The following BICRAL variants were observed in gnomAD, a reference collection of about 807,000 sequenced individuals.
BICRAL encodes the protein BICRA like chromatin remodeling complex associated protein.
Under a neutral mutation model 91.8 loss-of-function variants are expected in BICRAL, and 8 were observed. The ratio of observed to expected loss-of-function variants is 0.09; its 90% CI spans 0.05 to 0.16. BICRAL has a LOEUF of 0.16. Among genes scored for constraint, BICRAL ranks in the 10% least tolerant of loss-of-function variants. The pLI is 1.00. For missense variants in BICRAL, 1,038 were observed against 1,310.9 expected (o/e 0.79, Z 3.21); for synonymous variants, 445 against 491.1 (o/e 0.91, Z 1.24).
Position 42,853,622 on chromosome 6 carries a change from G to A in BICRAL, c.1946-16G>A, listed in dbSNP as rs756141178. 6 of 1,577,000 alleles carry A rather than the reference G, an allele frequency of 3.8e-6. No individual in the cohort carries two copies. Among genetic ancestry groups the A allele is most frequent in the Non-Finnish European group, 5.2e-6 (6 of 1,146,180 alleles). Reference sequence around the variant, plus strand: ...CTGTTTCTTTTGAACACTGTCTCATGTATTAATTCTAATAGGGCAGGATTC... The same window carrying A: ...CTGTTTCTTTTGAACACTGTCTCATATATTAATTCTAATAGGGCAGGATTC... On this transcript the variant is annotated splice_polypyrimidine_tract_variant and intron_variant, in intron 7 of 12. Transcript: ENST00000314073.
At chr6:42,826,499 T>G (rs1013412783) in intron 5 of BICRAL, among the ~76,000 whole-genome samples, 8 of 151,858 alleles carry the variant, frequency 5.3e-5, no homozygotes, top group Non-Finnish European at 8.8e-5. Flanking sequence ...CCTCCCAAAG[T>G]GCTTGGATTA....
chr6:42,780,591 T>G (rs913365939), upstream of BICRAL, among the ~76,000 whole-genome samples: 2 of 152,186 alleles, frequency 1.3e-5, no homozygotes, highest in Non-Finnish European at 2.9e-5. Flanking sequence ...CTGAATTACA[T>G]TCTGTACAAT....
At chr6:42,818,023 G>T (rs1472244136) in intron 2 of BICRAL, among the ~76,000 whole-genome samples, 1 of 151,240 alleles carries the variant, frequency 6.6e-6, no homozygotes, top group Non-Finnish European at 1.5e-5. Flanking sequence ...CAAATACCTG[G>T]AAATGGATTT....
intron 5 of BICRAL, among the ~76,000 whole-genome samples, chr6:42,823,499 G>A (rs1279629766): frequency 6.6e-6 from 1 of 152,182 alleles, no homozygotes; most frequent in African/African-American, 2.4e-5. Context: ...ATTAAGACAA[G>A]CTATGTGGCC....
At chr6:42,858,899 G>A (rs1277385969) in intron 10 of BICRAL, among the ~76,000 whole-genome samples, 1 of 152,076 alleles carries the variant, frequency 6.6e-6, no homozygotes, top group East Asian at 1.9e-4. Context: ...CCTGATGCCT[G>A]GCCATGCTCT....
At chr6:42,856,889 T>A (rs559344917) in intron 9 of BICRAL, among the ~76,000 whole-genome samples, 92 of 152,234 alleles carry the variant, frequency 6.0e-4, no homozygotes, top group Non-Finnish European at 1.8e-4. Context: ...GAACCTGTGC[T>A]TTTGAGGTCA....
intron 1 of BICRAL, among the ~76,000 whole-genome samples, chr6:42,766,405 T>C (rs1407982703): frequency 6.6e-6 from 1 of 152,146 alleles, no homozygotes; most frequent in Non-Finnish European, 1.5e-5. Flanking sequence ...TACAATAAAG[T>C]CACCTGTGGA....
intron 1 of BICRAL, among the ~76,000 whole-genome samples, chr6:42,750,448 GC>G (rs1582795413): frequency 6.6e-6 from 1 of 151,980 alleles, no homozygotes; most frequent in East Asian, 1.9e-4. Flanking sequence ...ACAGGTGTGA[GC>G]CCCCACGCCT....
At position 42,828,673 on chromosome 6, in the gene BICRAL, A is replaced by G; in HGVS notation, c.340A>G (p.Asn114Asp). Residue 114 changes from asparagine (N) to aspartate (D), a missense_variant, in exon 6 of 13, where the codon AAT becomes GAT. Transcript: ENST00000314073. ...DILQKSLQEA[N>D]ITEQTLAEEA... ...TCTTCAGAAATCCTTGCAAGAGGCC[A>G]ATATCACTGAACAGACATTGGCAGA... 2.5e-6 allele frequency: 4 copies of G among 1,614,142 alleles called. No homozygotes were observed. The highest frequency in any genetic ancestry group is 3.4e-6 in the Non-Finnish European group (4 of 1,180,002).
In BICRAL at chr6:42,868,070, CT is replaced by C. The variant is rs58785533; in HGVS notation, c.*2641del. 13,918 of 123,964 alleles carry C rather than the reference CT, an allele frequency of 0.11. 902 individuals are homozygous for C. Among genetic ancestry groups the C allele is most frequent in the African/African-American group, 0.26 (8,932 of 34,698 alleles). The allele number at this position is 123,964 out of a possible 1,614,324, so 7.7% of individuals were successfully genotyped here. ...TGTACTCAGTAACAAAAATCATTTT[CT>C]TTTTTTTTTTTTTTTTCTGTTGTGG... On this transcript the variant is annotated 3_prime_UTR_variant, in exon 13 of 13. Coordinates refer to ENST00000314073, the MANE Select transcript of BICRAL (RefSeq NM_001393499.1).
Position 42,864,969 on chromosome 6 carries a change from G to A in BICRAL, c.2763G>A (p.Lys921=). 6.2e-7 allele frequency: 1 copy of A among 1,614,154 alleles called. No individual in the cohort carries two copies. Among genetic ancestry groups the A allele is most frequent in the Non-Finnish European group, 8.5e-7 (1 of 1,180,040 alleles). The change falls in exon 13 of 13, where the codon AAG becomes AAA. Residue 921 remains lysine (K), a synonymous_variant. Coordinates refer to ENST00000314073, the MANE Select transcript of BICRAL (RefSeq NM_001393499.1). The part of the protein sequence containing the change: ...LVQYQSTSEE[K]ASRREPLKAS... ...AGTACCAGAGCACGTCTGAAGAGAAGGCCAGCCGGAGAGAGCCTCTGAAGG... is the reference window on the plus strand; with the variant it reads ...AGTACCAGAGCACGTCTGAAGAGAAAGCCAGCCGGAGAGAGCCTCTGAAGG...
chr6:42,748,317 G>C (rs556475600), intron 1 of BICRAL, among the ~76,000 whole-genome samples: 16 of 152,118 alleles, frequency 1.1e-4, no homozygotes, highest in African/African-American at 3.6e-4. Flanking sequence ...AGTTTTTCAG[G>C]TTGAACCTGT....
At chr6:42,761,582 G>A (rs533970848) in intron 1 of BICRAL, among the ~76,000 whole-genome samples, 1 of 152,234 alleles carries the variant, frequency 6.6e-6, no homozygotes, top group South Asian at 2.1e-4. Context: ...TCTTTCATCT[G>A]TTGCATGAGA....
chr6:42,786,176 G>T (rs1406212484), intron 1 of BICRAL, among the ~76,000 whole-genome samples: 1 of 152,234 alleles, frequency 6.6e-6, no homozygotes, highest in Non-Finnish European at 1.5e-5. Context: ...GCTTTCTCTT[G>T]TTGATTCTTC....
chr6:42,779,634 G>T (rs1378818217), upstream of BICRAL, among the ~76,000 whole-genome samples: 1 of 152,188 alleles, frequency 6.6e-6, no homozygotes, highest in Non-Finnish European at 1.5e-5. Context: ...CATTATGAAT[G>T]ATAGAATGGC....
At chr6:42,792,861 C>T (rs1224199933) in intron 1 of BICRAL, among the ~76,000 whole-genome samples, 1 of 151,806 alleles carries the variant, frequency 6.6e-6, no homozygotes, top group African/African-American at 2.4e-5. Context: ...TGCAGTGAGC[C>T]AAAATCGTGC....
chr6:42,845,248 T>G (rs141429283), intron 6 of BICRAL, among the ~76,000 whole-genome samples: 1 of 105,398 alleles, frequency 9.5e-6, no homozygotes. Context: ...TTTTTTTTTT[T>G]AGACAGAGTT....
At chr6:42,824,658 A>T (rs906235256) in intron 5 of BICRAL, among the ~76,000 whole-genome samples, 1 of 152,234 alleles carries the variant, frequency 6.6e-6, no homozygotes, top group African/African-American at 2.4e-5. Context: ...GAAATGTTAC[A>T]ACCTGAGAAA....
chr6:42,779,501 A>T (rs1196853965), upstream of BICRAL, among the ~76,000 whole-genome samples: 8 of 152,166 alleles, frequency 5.3e-5, no homozygotes, highest in African/African-American at 1.9e-4. Context: ...TTATGCAAAG[A>T]TTACTGTTCC....
Sources: allele counts gnomAD v4.1 joint callset (sites outside exome capture counted in the v4.1 genomes callset), GRCh38; gene constraint gnomAD v4.1.1; transcripts MANE v1.5; gene names NCBI Gene and HGNC (gene_info 2026-07-23, HGNC 2026-07-21).